ZBTB20: variants seen among roughly 807,000 people sequenced by gnomAD.
ZBTB20 encodes zinc finger and BTB domain-containing protein 20.
A neutral mutation model predicts 56.9 loss-of-function variants in ZBTB20; 9 were observed. The observed-to-expected ratio is 0.16, with a 90% CI of 0.10 to 0.28. The LOEUF is 0.28. Ranked by LOEUF, ZBTB20 falls within the 10% of genes least tolerant of loss-of-function variation. The pLI is 1.00. For synonymous variants in ZBTB20, 417 were observed against 420.7 expected (o/e 0.99, Z 0.11); for missense variants, 655 against 1,003.0 (o/e 0.65, Z 4.69).
intron 5 of ZBTB20, among the ~76,000 whole-genome samples, chr3:114,717,574 A>G (rs1173565505): frequency 6.6e-6 from 1 of 152,172 alleles, no homozygotes; most frequent in African/African-American, 2.4e-5. Context: ...ACAAAAACAG[A>G]AACAAAACCT....
Position 115,078,613 on chromosome 3 carries a change from G to GTA in ZBTB20, c.-702-7201_-702-7200dup, listed in dbSNP as rs3086037. Reference sequence around the variant, plus strand: ...TAAGAATATGTGTGTGTGTGTGTGTGTATATATATATATATATATATATAT... The same window carrying GTA: ...TAAGAATATGTGTGTGTGTGTGTGTGTATATATATATATATATATATATATAT... On this transcript the variant is annotated intron_variant, in intron 1 of 11. Transcript: ENST00000675478. Among the ~76,000 whole-genome samples the GTA allele has an allele frequency of 5.3e-3, 724 of 137,790 alleles. 5 individuals are homozygous for GTA. Among genetic ancestry groups the GTA allele is most frequent in the African/African-American group, 0.016 (582 of 35,426 alleles). 90.4% of individuals were successfully genotyped at this position (137,790 alleles called of 152,430 possible).
At chr3:114,847,434 G>A (rs2074767480) in intron 4 of ZBTB20, among the ~76,000 whole-genome samples, 1 of 152,084 alleles carries the variant, frequency 6.6e-6, no homozygotes, top group Non-Finnish European at 1.5e-5. Flanking sequence ...ATTTATCCTG[G>A]GCTTTACTGG....
chr3:114,737,732 T>C lies in ZBTB20; in HGVS notation c.-342-44157A>G, dbSNP rs191410625. Among the ~76,000 whole-genome samples, 664 of 152,292 alleles carry C rather than the reference T, an allele frequency of 4.4e-3. 1 individual carries two copies. Among genetic ancestry groups the C allele is most frequent in the South Asian group, 0.015 (70 of 4,824 alleles). On this transcript the variant is annotated intron_variant, in intron 5 of 11. Transcript: ENST00000675478. Reference sequence around the variant, plus strand: ...TAAATTACCAAAAGCCTAGCCTCCTTAGGAAGGCTGTTTTAGGAAGACATG... The same window carrying C: ...TAAATTACCAAAAGCCTAGCCTCCTCAGGAAGGCTGTTTTAGGAAGACATG...
chr3:114,970,438 G>C (rs2077824770), intron 3 of ZBTB20, among the ~76,000 whole-genome samples: 2 of 152,174 alleles, frequency 1.3e-5, no homozygotes, highest in South Asian at 4.1e-4. Context: ...CAGCATTGAG[G>C]CAAGAAACAC....
chr3:114,647,032 A>C lies in ZBTB20; in HGVS notation c.-295+46496T>G, dbSNP rs766033006. Among the ~76,000 whole-genome samples the C allele has an allele frequency of 5.3e-5, 8 of 151,756 alleles. No individual in the cohort carries two copies. The South Asian group carries it at 6.2e-4, about 12-fold the overall frequency. ...GGAGTGCAGTGGCGCGATCTTGGCT[A>C]ACTGCAAGCTCTGCCTCCCGGGTTC... is the stretch of plus-strand genomic sequence containing the variant. On this transcript the variant is annotated intron_variant, in intron 6 of 11. Transcript: ENST00000675478.
intron 3 of ZBTB20, among the ~76,000 whole-genome samples, chr3:114,969,775 G>A (rs2077796872): frequency 6.6e-6 from 1 of 152,140 alleles, no homozygotes; most frequent in South Asian, 2.1e-4. Flanking sequence ...TTTTGTAGGA[G>A]AGAAAAGTAG....
At chr3:114,635,399 C>A (rs1397726418) in intron 6 of ZBTB20, among the ~76,000 whole-genome samples, 1 of 152,012 alleles carries the variant, frequency 6.6e-6, no homozygotes, top group Non-Finnish European at 1.5e-5. Context: ...ATACAGATCA[C>A]AAAGAAAATC....
rs944269849 is a variant in ZBTB20, at chr3:114,330,094, A to T, written c.*8911T>A. 1.3e-5 allele frequency: 2 copies of T among 152,276 alleles called. No homozygotes were observed. Among genetic ancestry groups the T allele is most frequent in the Non-Finnish European group, 2.9e-5 (2 of 68,036 alleles). The allele number at this position is 152,276 out of a possible 1,614,324, so 9.4% of individuals were successfully genotyped here. A position where few individuals can be genotyped will look rare whatever the true frequency, so the allele number is the denominator to read the frequency against. ...ATATTGAGTGGGTCAGCTAAACAAG[A>T]TCACTTTGAATATGAACCTCTTTGT... is the stretch of plus-strand genomic sequence containing the variant. On this transcript the variant is annotated 3_prime_UTR_variant, in exon 12 of 12. Transcript: ENST00000675478.
chr3:114,917,060 T>C lies in ZBTB20; in HGVS notation c.-455-16718A>G, dbSNP rs574000563. Among the ~76,000 whole-genome samples the C allele has an allele frequency of 2.6e-5, 4 of 152,280 alleles. No individual in the cohort carries two copies. In the East Asian group the frequency reaches 7.7e-4, roughly 29 times the overall value. On this transcript the variant is annotated intron_variant, in intron 3 of 11. Coordinates refer to ENST00000675478, the MANE Select transcript of ZBTB20 (RefSeq NM_001348800.3). Reference sequence around the variant, plus strand: ...TATCTTGTAGGCATGCTTCATTCTTTTTTATTCTGTCCTTTTGTCTCCTAA... The same window carrying C: ...TATCTTGTAGGCATGCTTCATTCTTCTTTATTCTGTCCTTTTGTCTCCTAA...
At position 115,054,171 on chromosome 3, in the gene ZBTB20, G is replaced by A. The variant is rs542831059; in HGVS notation, c.-507+17048C>T. Reference sequence around the variant, plus strand: ...TAAACTTATGAAGAAACAAACTATAGAGAAATAGCTGTGAAAAAATACTTC... The same window carrying A: ...TAAACTTATGAAGAAACAAACTATAAAGAAATAGCTGTGAAAAAATACTTC... On this transcript the variant is annotated intron_variant, in intron 2 of 11. Coordinates refer to ENST00000675478, the MANE Select transcript of ZBTB20 (RefSeq NM_001348800.3). Among the ~76,000 whole-genome samples the A allele has an allele frequency of 2.0e-5, 3 of 151,180 alleles. No individual in the cohort carries two copies. In the East Asian group the frequency reaches 5.8e-4, roughly 29 times the overall value.
chr3:114,978,753 T>C (rs1158639575), intron 2 of ZBTB20, among the ~76,000 whole-genome samples: 1 of 151,874 alleles, frequency 6.6e-6, no homozygotes, highest in African/African-American at 2.4e-5. Flanking sequence ...ATTCTTTGAA[T>C]TTATCTTAAG....
At chr3:115,112,146 A>G (rs2083897996) in intron 1 of ZBTB20, among the ~76,000 whole-genome samples, 1 of 151,484 alleles carries the variant, frequency 6.6e-6, no homozygotes, top group South Asian at 2.1e-4. Flanking sequence ...ATTTTCTATT[A>G]CATTTTTGTG....
At chr3:114,734,106 A>G (rs1386154569) in intron 5 of ZBTB20, among the ~76,000 whole-genome samples, 1 of 152,030 alleles carries the variant, frequency 6.6e-6, no homozygotes, top group African/African-American at 2.4e-5. Flanking sequence ...TGTGGTTTTC[A>G]AACTATGCTT....
rs1275726014 is a variant in ZBTB20 at position 114,315,609 on chromosome 3, A to G, written c.*23396T>C. 3.5e-5 allele frequency: 3 copies of G among 86,706 alleles called. No individual in the cohort carries two copies. Among genetic ancestry groups the G allele is most frequent in the African/African-American group, 1.1e-4 (3 of 26,380 alleles). 5.4% of individuals were successfully genotyped at this position (86,706 alleles called of 1,614,324 possible). A position where few individuals can be genotyped will look rare whatever the true frequency, so the allele number is the denominator to read the frequency against. On this transcript the variant is annotated 3_prime_UTR_variant, in exon 12 of 12. Transcript: ENST00000675478. ...TGTGTGTGTGTGTGTGTGTGTGTAC[A>G]CAGTAGCAATTGCAAAAAAGGGACC...
chr3:114,854,068 C>G (rs768362598), intron 4 of ZBTB20, among the ~76,000 whole-genome samples: 4 of 152,076 alleles, frequency 2.6e-5, no homozygotes, highest in Non-Finnish European at 5.9e-5. Flanking sequence ...GTGAGTAGTT[C>G]CAGATTCTTA....
intron 2 of ZBTB20, among the ~76,000 whole-genome samples, chr3:115,021,082 T>C (rs947507514): frequency 7.3e-5 from 11 of 151,018 alleles, no homozygotes; most frequent in African/African-American, 2.7e-4. Flanking sequence ...TTAATTTACA[T>C]TAATGGACAA....
At chr3:114,651,553 A>C (rs2060132755) in intron 6 of ZBTB20, among the ~76,000 whole-genome samples, 1 of 93,166 alleles carries the variant, frequency 1.1e-5, no homozygotes, top group Non-Finnish European at 1.8e-5. Context: ...TGGATAGTAA[A>C]AAAAAAAAAA....
intron 7 of ZBTB20, among the ~76,000 whole-genome samples, chr3:114,477,929 GTCTCTCTCTC>G (rs66520481): frequency 0.68 from 82,388 of 121,124 alleles, 27,998 homozygotes; most frequent in Non-Finnish European, 0.77. Flanking sequence ...TTCTTTCTCT[GTCTCTCTCTC>G]TCTCTCTCTC....
chr3:114,952,935 T>A (rs1021238893), intron 3 of ZBTB20, among the ~76,000 whole-genome samples: 1 of 152,034 alleles, frequency 6.6e-6, no homozygotes, highest in Non-Finnish European at 1.5e-5. Flanking sequence ...GGAAAAAAAG[T>A]GATAAACCTA....
Sources: allele counts gnomAD v4.1 joint callset (sites outside exome capture counted in the v4.1 genomes callset), GRCh38; gene constraint gnomAD v4.1.1; transcripts MANE v1.5; gene names NCBI Gene and HGNC (gene_info 2026-07-23, HGNC 2026-07-21).